AGBL4: variants seen among roughly 807,000 people sequenced by gnomAD.
AGBL4 encodes the protein cytosolic carboxypeptidase 6.
A neutral mutation model predicts 66.4 loss-of-function variants in AGBL4; 58 were observed. That is an observed-to-expected ratio of 0.87 (90% confidence interval 0.71 to 1.09). AGBL4 has a LOEUF of 1.09. AGBL4 is among the 50% of genes least tolerant of loss of function. The pLI, the probability that AGBL4 is intolerant of heterozygous loss-of-function variation, is 0.00. For synonymous variants in AGBL4, 234 were observed against 222.9 expected, an observed-to-expected ratio of 1.05 and a Z score of -0.44; for missense variants, 579 against 631.0, an observed-to-expected ratio of 0.92 and a Z score of 0.88.
chr1:49,841,194 T>C (rs1369219504), intron 2 of AGBL4, among the ~76,000 whole-genome samples: 1 of 152,164 alleles, frequency 6.6e-6, no homozygotes, highest in Non-Finnish European at 1.5e-5. Flanking sequence ...AGCATCTCTA[T>C]AAACCAATAA....
intron 6 of AGBL4, among the ~76,000 whole-genome samples, chr1:48,774,825 T>TAGATGAATGG (rs1553231490): frequency 2.0e-5 from 3 of 152,112 alleles, no homozygotes; most frequent in African/African-American, 7.2e-5. Flanking sequence ...AATGAATGAG[T>TAGATGAATGG]AGATGAATGA....
intron 6 of AGBL4, among the ~76,000 whole-genome samples, chr1:48,717,980 A>C (rs2148527743): frequency 6.6e-6 from 1 of 152,358 alleles, no homozygotes; most frequent in Admixed American, 6.5e-5. Context: ...GAGTTCCACA[A>C]GGCTAACTGA....
intron 1 of AGBL4, among the ~76,000 whole-genome samples, chr1:50,003,330 C>T (rs989334131): frequency 2.0e-5 from 3 of 152,176 alleles, no homozygotes; most frequent in African/African-American, 7.2e-5. Flanking sequence ...GGTTATTACC[C>T]AGTGCATTCA....
intron 6 of AGBL4, among the ~76,000 whole-genome samples, chr1:48,846,684 T>A (rs1646924831): frequency 6.6e-6 from 1 of 152,192 alleles, no homozygotes; most frequent in African/African-American, 2.4e-5. Flanking sequence ...TTATCTCACA[T>A]GCAGATATAA....
intron 3 of AGBL4, among the ~76,000 whole-genome samples, chr1:49,355,135 C>G (rs919094400): frequency 6.6e-6 from 1 of 152,184 alleles, no homozygotes; most frequent in Non-Finnish European, 1.5e-5. Context: ...ATCAACTTTT[C>G]GAAGTCGACT....
At chr1:49,791,781 T>C (rs1644605123) in intron 2 of AGBL4, among the ~76,000 whole-genome samples, 2 of 152,128 alleles carry the variant, frequency 1.3e-5, no homozygotes, top group Non-Finnish European at 2.9e-5. Context: ...CTTTGATATC[T>C]TTATTACTAA....
intron 4 of AGBL4, among the ~76,000 whole-genome samples, chr1:49,157,851 T>C (rs1016686958): frequency 1.3e-5 from 2 of 152,220 alleles, no homozygotes; most frequent in South Asian, 4.1e-4. Context: ...CTTTTTTTCA[T>C]ATATTTCTTA....
intron 7 of AGBL4, among the ~76,000 whole-genome samples, chr1:48,656,511 C>T (rs906712311): frequency 6.6e-6 from 1 of 152,140 alleles, no homozygotes; most frequent in Non-Finnish European, 1.5e-5. Context: ...CACTGGTTGG[C>T]AAAGGCTCTG....
At chr1:49,967,331 C>A (rs1292462532) in intron 1 of AGBL4, among the ~76,000 whole-genome samples, 2 of 152,044 alleles carry the variant, frequency 1.3e-5, no homozygotes, top group African/African-American at 4.8e-5. Context: ...TACTATGCAG[C>A]CATAAAAAAG....
intron 3 of AGBL4, among the ~76,000 whole-genome samples, chr1:49,639,696 G>A (rs570118567): frequency 1.3e-5 from 2 of 152,302 alleles, no homozygotes; most frequent in East Asian, 3.9e-4. Flanking sequence ...TGCATTCACA[G>A]TGTAGTAGAA....
chr1:49,054,514 A>T (rs962899306), intron 4 of AGBL4, among the ~76,000 whole-genome samples: 2 of 152,034 alleles, frequency 1.3e-5, no homozygotes, highest in African/African-American at 4.8e-5. Context: ...AAAGCAATAT[A>T]CTTGTTAAAT....
At chr1:48,681,744 AG>A (rs982427482) in intron 6 of AGBL4, among the ~76,000 whole-genome samples, 5 of 152,170 alleles carry the variant, frequency 3.3e-5, no homozygotes, top group African/African-American at 1.2e-4. Context: ...GCTCAGAGTA[AG>A]GCCTTGAGGG....
intron 5 of AGBL4, among the ~76,000 whole-genome samples, chr1:48,877,826 A>G (rs1238399694): frequency 7.9e-5 from 12 of 152,094 alleles, no homozygotes; most frequent in African/African-American, 1.2e-4. Context: ...AGGGAGAGCA[A>G]TGGTGCCAGA....
intron 1 of AGBL4, among the ~76,000 whole-genome samples, chr1:49,860,816 GA>G (rs909945857): frequency 6.6e-6 from 1 of 150,996 alleles, no homozygotes; most frequent in South Asian, 2.1e-4. Flanking sequence ...TATCTACACA[GA>G]AAAAAACACC....
At position 49,372,828 on chromosome 1, in the gene AGBL4, G is replaced by C. The variant is rs150396651; in HGVS notation, c.283-126964C>G. ...GGCTGGAGTGCAGTGGCATAATCTTGGCTCACTGAAGCCTCAACCTCCTGG... is the reference window on the plus strand; with the variant it reads ...GGCTGGAGTGCAGTGGCATAATCTTCGCTCACTGAAGCCTCAACCTCCTGG... On this transcript the variant is annotated intron_variant, in intron 3 of 13. Coordinates refer to ENST00000371839, the MANE Select transcript of AGBL4 (RefSeq NM_032785.4). Among the ~76,000 whole-genome samples the C allele has an allele frequency of 8.0e-3, 1,207 of 150,386 alleles. 15 individuals carry two copies. The highest frequency in any genetic ancestry group is 0.028 in the African/African-American group (1,160 of 40,874).
At chr1:48,747,859 A>C (rs1159136178) in intron 6 of AGBL4, among the ~76,000 whole-genome samples, 1 of 152,218 alleles carries the variant, frequency 6.6e-6, no homozygotes, top group African/African-American at 2.4e-5. Flanking sequence ...ATGTGTTTGG[A>C]CACTAAATAT....
At chr1:49,788,473 G>T (rs1644515313) in intron 2 of AGBL4, among the ~76,000 whole-genome samples, 1 of 147,224 alleles carries the variant, frequency 6.8e-6, no homozygotes, top group Non-Finnish European at 1.5e-5. Context: ...CCCAGATTTG[G>T]GCTTTTGGAA....
At chr1:48,981,597 G>A (rs911748260) in intron 5 of AGBL4, among the ~76,000 whole-genome samples, 2 of 152,104 alleles carry the variant, frequency 1.3e-5, no homozygotes, top group African/African-American at 2.4e-5. Flanking sequence ...AATAAAAAGT[G>A]TGTGTGGCCA....
At chr1:49,329,217 G>A (rs537425117) in intron 3 of AGBL4, among the ~76,000 whole-genome samples, 1 of 152,076 alleles carries the variant, frequency 6.6e-6, no homozygotes, top group African/African-American at 2.4e-5. Context: ...TGAGGCATGA[G>A]AATCGCTTAA....
Sources: allele counts gnomAD v4.1 joint callset (sites outside exome capture counted in the v4.1 genomes callset), GRCh38; gene constraint gnomAD v4.1.1; transcripts MANE v1.5; gene names NCBI Gene and HGNC (gene_info 2026-07-23, HGNC 2026-07-21).